PNLIPRP3: variants seen among roughly 807,000 people sequenced by gnomAD.
PNLIPRP3 encodes the protein pancreatic lipase-related protein 3.
PNLIPRP3 carries 58 observed loss-of-function variants against 52.8 expected under a neutral mutation model. The ratio of observed to expected loss-of-function variants is 1.10; its 90% CI spans 0.89 to 1.37. PNLIPRP3 has a LOEUF of 1.37. Ranked by LOEUF, PNLIPRP3 falls within the 40% of genes most tolerant of loss-of-function variation. The probability of loss-of-function intolerance (pLI) is 0.00; values close to 1 mark genes in which losing one functional copy is unlikely to be tolerated. For missense variants in PNLIPRP3, 593 were observed against 561.6 expected (o/e 1.06, Z -0.57); for synonymous variants, 192 against 185.0 (o/e 1.04, Z -0.31).
chr10:116,453,164 G>T (rs1220233924), intron 4 of PNLIPRP3, among the ~76,000 whole-genome samples: 3 of 152,194 alleles, frequency 2.0e-5, no homozygotes, highest in African/African-American at 7.2e-5. Flanking sequence ...GGATCTTTAA[G>T]ATTTAATGCC....
At chr10:116,435,068 T>C (rs1020785872) in intron 1 of PNLIPRP3, among the ~76,000 whole-genome samples, 3 of 152,186 alleles carry the variant, frequency 2.0e-5, no homozygotes, top group South Asian at 2.1e-4. Context: ...AGAATGAGTG[T>C]CTGAACAATG....
In PNLIPRP3 at chr10:116,443,037, T is replaced by C; in HGVS notation, c.205-18T>C. 6.5e-7 allele frequency: 1 copy of C among 1,535,564 alleles called. No homozygotes were observed. The highest frequency in any genetic ancestry group is 8.8e-7 in the Non-Finnish European group (1 of 1,133,804). ...TTTTAATTATTATTTTTCCTTAATC[T>C]CTTTCTGCTTGAAACAGGAGATCAG... On this transcript the variant is annotated intron_variant, in intron 2 of 11. Transcript: ENST00000369230.
intron 5 of PNLIPRP3, among the ~76,000 whole-genome samples, chr10:116,456,122 C>A (rs528394095): frequency 2.0e-5 from 3 of 152,112 alleles, no homozygotes; most frequent in East Asian, 3.9e-4. Flanking sequence ...GGATTTCATA[C>A]CAGTAATGCA....
intron 4 of PNLIPRP3, among the ~76,000 whole-genome samples, chr10:116,448,097 A>G (rs1277681634): frequency 6.6e-6 from 1 of 152,150 alleles, no homozygotes; most frequent in Non-Finnish European, 1.5e-5. Flanking sequence ...GTGGAAATAT[A>G]AAACTCTCTG....
chr10:116,459,063 G>A (rs1487594992), intron 5 of PNLIPRP3, among the ~76,000 whole-genome samples: 3 of 151,890 alleles, frequency 2.0e-5, no homozygotes, highest in Non-Finnish European at 2.9e-5. Flanking sequence ...GACCCCTCCC[G>A]CCTTGCTGAA....
intron 5 of PNLIPRP3, among the ~76,000 whole-genome samples, chr10:116,457,764 A>G (rs1360139532): frequency 3.9e-5 from 6 of 152,202 alleles, no homozygotes; most frequent in Non-Finnish European, 7.3e-5. Context: ...TACAATTCAT[A>G]CTGGGTTATG....
intron 4 of PNLIPRP3, among the ~76,000 whole-genome samples, chr10:116,453,946 C>A (rs1307288266): frequency 3.3e-5 from 5 of 152,056 alleles, no homozygotes; most frequent in Admixed American, 6.5e-5. Flanking sequence ...TGTCCCCCAC[C>A]CCCAACAGGC....
intron 1 of PNLIPRP3, among the ~76,000 whole-genome samples, chr10:116,432,464 A>T (rs1439791066): frequency 6.6e-6 from 1 of 152,234 alleles, no homozygotes; most frequent in Non-Finnish European, 1.5e-5. Flanking sequence ...ATGACTCAAG[A>T]ACTGAAGAAA....
chr10:116,444,656 C>CA, intron 4 of PNLIPRP3, 143 bp downstream of exon 4: 2 of 820,468 alleles, frequency 2.4e-6, no homozygotes, highest in Non-Finnish European at 1.8e-6. Flanking sequence ...ATATGGCAGA[C>CA]AAAAAAGGAA....
At chr10:116,459,259 G>A (rs1203212015) in intron 5 of PNLIPRP3, among the ~76,000 whole-genome samples, 6 of 147,648 alleles carry the variant, frequency 4.1e-5, no homozygotes, top group Non-Finnish European at 5.9e-5. Context: ...CACTCTTTTA[G>A]TGATTATATT....
intron 7 of PNLIPRP3, among the ~76,000 whole-genome samples, chr10:116,465,826 T>A (rs1365498522): frequency 6.6e-6 from 1 of 152,238 alleles, no homozygotes; most frequent in African/African-American, 2.4e-5. Context: ...ACATTTGCTT[T>A]TGCTTATTTC....
chr10:116,448,697 G>A (rs1203684625), intron 4 of PNLIPRP3, among the ~76,000 whole-genome samples: 4 of 150,952 alleles, frequency 2.6e-5, no homozygotes, highest in African/African-American at 9.8e-5. Context: ...AAGGTGTTTT[G>A]TTTTGTTTTG....
rs1343440248 is a variant in PNLIPRP3 at position 116,477,671 on chromosome 10, T to C, written c.*518T>C. The C allele has an allele frequency of 1.3e-5, 2 of 152,350 alleles. No individual in the cohort carries two copies. Among genetic ancestry groups the C allele is most frequent in the Admixed American group, 6.5e-5 (1 of 15,284 alleles). 9.4% of individuals were successfully genotyped at this position (152,350 alleles called of 1,614,324 possible). A position where few individuals can be genotyped will look rare whatever the true frequency, so the allele number is the denominator to read the frequency against. On this transcript the variant is annotated 3_prime_UTR_variant, in exon 12 of 12. Coordinates refer to ENST00000369230, the MANE Select transcript of PNLIPRP3 (RefSeq NM_001011709.3). ...TCTATCTAGTAATAATAAAAACTAA[T>C]GAGATGGCACTAGTATTTCCAAGGT...
chr10:116,459,766 T>A (rs1846164970), intron 5 of PNLIPRP3, among the ~76,000 whole-genome samples: 1 of 152,196 alleles, frequency 6.6e-6, no homozygotes, highest in Middle Eastern at 3.4e-3. Flanking sequence ...TACTAGTGTT[T>A]CTTTTCTTTT....
At chr10:116,428,319 T>G (rs1845665737) in intron 1 of PNLIPRP3, among the ~76,000 whole-genome samples, 1 of 152,126 alleles carries the variant, frequency 6.6e-6, no homozygotes, top group Non-Finnish European at 1.5e-5. Context: ...TAAAGAAGCA[T>G]CTATTTCCAA....
chr10:116,454,397 C>A (rs573864745), intron 4 of PNLIPRP3, among the ~76,000 whole-genome samples: 2 of 152,174 alleles, frequency 1.3e-5, no homozygotes, highest in African/African-American at 2.4e-5. Flanking sequence ...GGATTACAGG[C>A]GTGAGCCCCC....
chr10:116,470,471 A>T (rs75579628), intron 9 of PNLIPRP3, among the ~76,000 whole-genome samples: 3,106 of 152,030 alleles, frequency 0.02, 109 homozygotes, highest in African/African-American at 0.071. Context: ...GTTGAGCAGG[A>T]AGAGAGGAGA....
Position 116,477,800 on chromosome 10 carries a change from C to T in PNLIPRP3, c.*647C>T, listed in dbSNP as rs1043338437. 1.2e-4 allele frequency: 19 copies of T among 152,258 alleles called. No homozygotes were observed. The highest frequency in any genetic ancestry group is 3.4e-3 in the Middle Eastern group (1 of 296). The allele number at this position is 152,258 out of a possible 1,614,324, so 9.4% of individuals were successfully genotyped here. On this transcript the variant is annotated 3_prime_UTR_variant, in exon 12 of 12. Coordinates refer to ENST00000369230, the MANE Select transcript of PNLIPRP3 (RefSeq NM_001011709.3). ...TGAAGTTCAACAACCCAGGGTATAG[C>T]CCCCTTCCTCCAAAGTCCCTGCCAC...
chr10:116,432,216 C>G (rs558842653), intron 1 of PNLIPRP3, among the ~76,000 whole-genome samples: 1 of 152,272 alleles, frequency 6.6e-6, no homozygotes, highest in African/African-American at 2.4e-5. Flanking sequence ...AATAGATTAT[C>G]GAACCTACTT....
Sources: allele counts gnomAD v4.1 joint callset (sites outside exome capture counted in the v4.1 genomes callset), GRCh38; gene constraint gnomAD v4.1.1; transcripts MANE v1.5; gene names NCBI Gene and HGNC (gene_info 2026-07-23, HGNC 2026-07-21).